The following RAB39A variants were observed in gnomAD, a reference collection of about 807,000 sequenced individuals.
RAB39A encodes ras-related protein Rab-39A.
In RAB39A, 17 loss-of-function variants were observed where a neutral mutation model predicts 20.9. The observed-to-expected ratio is 0.81, with a 90% CI of 0.56 to 1.22. The LOEUF (loss-of-function observed/expected upper bound fraction) is 1.22. Among genes scored for constraint, RAB39A ranks in the 50% most tolerant of loss-of-function variants. The probability of loss-of-function intolerance (pLI) is 0.00; values close to 1 mark genes in which losing one functional copy is unlikely to be tolerated. For missense variants in RAB39A, 234 were observed against 270.5 expected (o/e 0.87, Z 0.95); for synonymous variants, 99 against 103.4 (o/e 0.96, Z 0.26).
rs1190116935 is a variant in RAB39A at position 107,928,529 on chromosome 11, G to T, written c.-40G>T. On this transcript the variant is annotated 5_prime_UTR_variant, in exon 1 of 2. Transcript: ENST00000320578. This position sits in a 1 kb window ranked among gnomAD's most constrained non-coding sequence, Gnocchi z 4.9. Reference sequence around the variant, plus strand: ...CAGTTCCCGCCGCCGAACTTAGCCCGCGGGTGGGGCGGCCCGGGAGCCAGC... The same window carrying T: ...CAGTTCCCGCCGCCGAACTTAGCCCTCGGGTGGGGCGGCCCGGGAGCCAGC... The T allele has an allele frequency of 7.2e-7, 1 of 1,387,158 alleles. No homozygotes were observed. The highest frequency in any genetic ancestry group is 9.5e-7 in the Non-Finnish European group (1 of 1,048,234). 85.9% of individuals were successfully genotyped at this position (1,387,158 alleles called of 1,614,324 possible). A position where few individuals can be genotyped will look rare whatever the true frequency, so the allele number is the denominator to read the frequency against.
chr11:107,945,614 C>G (rs1213387097), intron 1 of RAB39A, among the ~76,000 whole-genome samples: 6 of 152,172 alleles, frequency 3.9e-5, no homozygotes, highest in African/African-American at 1.4e-4. Context: ...GAATCCCCCC[C>G]TCCAAGGACT....
chr11:107,946,418 GTGTGTGTGTGTGTGTGTGTA>G (rs1180134704), intron 1 of RAB39A, among the ~76,000 whole-genome samples: 16 of 14,308 alleles, frequency 1.1e-3, no homozygotes, highest in Non-Finnish European at 1.4e-3. Flanking sequence ...GTGTGTGTGT[GTGTGTGTGTGTGTGTGTGTA>G]TATATATATA....
intron 1 of RAB39A, among the ~76,000 whole-genome samples, chr11:107,958,517 C>G (rs566836222): frequency 6.6e-6 from 1 of 152,260 alleles, no homozygotes; most frequent in East Asian, 1.9e-4. Context: ...GCAACAGTGC[C>G]CAATTGTTTT....
chr11:107,936,903 C>T (rs987460830), intron 1 of RAB39A, among the ~76,000 whole-genome samples: 1 of 147,780 alleles, frequency 6.8e-6, no homozygotes, highest in Non-Finnish European at 1.5e-5. Context: ...CCCTGCTCTC[C>T]AGCCTGGGTG....
chr11:107,935,792 G>A (rs1483355052), intron 1 of RAB39A, among the ~76,000 whole-genome samples: 1 of 151,670 alleles, frequency 6.6e-6, no homozygotes, highest in Non-Finnish European at 1.5e-5. Context: ...ACACTCCCAA[G>A]TCTGGGTCTG....
At chr11:107,946,458 ATATTTTTTTTTTT>A (rs1861318798) in intron 1 of RAB39A, among the ~76,000 whole-genome samples, 32 of 26,726 alleles carry the variant, frequency 1.2e-3, no homozygotes, top group Admixed American at 1.5e-3. Flanking sequence ...ATATATATAT[ATATTTTTTTTTTT>A]TTTTTTTTTT....
At chr11:107,931,150 A>G (rs1359890489) in intron 1 of RAB39A, among the ~76,000 whole-genome samples, 2 of 151,772 alleles carry the variant, frequency 1.3e-5, no homozygotes, top group African/African-American at 2.4e-5. Flanking sequence ...CTAATTTTGT[A>G]TTTTTAGTAG....
intron 1 of RAB39A, among the ~76,000 whole-genome samples, chr11:107,951,347 GA>G (rs1430729427): frequency 6.6e-6 from 1 of 152,148 alleles, no homozygotes; most frequent in Non-Finnish European, 1.5e-5. Flanking sequence ...ATGTCATGCT[GA>G]AAAACAGGCA....
intron 1 of RAB39A, among the ~76,000 whole-genome samples, chr11:107,939,544 A>C (rs1050088437): frequency 8.6e-5 from 13 of 151,398 alleles, no homozygotes; most frequent in African/African-American, 3.2e-4. Context: ...CGGGAGGCAA[A>C]GCTTGCAGAG....
chr11:107,938,735 C>CAA (rs544043987), intron 1 of RAB39A, among the ~76,000 whole-genome samples: 12 of 103,816 alleles, frequency 1.2e-4, no homozygotes, highest in African/African-American at 1.4e-4. Context: ...GGCCCTATCT[C>CAA]AAAAAAAAAA....
In RAB39A at chr11:107,938,291, A is replaced by G. The variant is rs550526774; in HGVS notation, c.227+9496A>G. Among the ~76,000 whole-genome samples the G allele has an allele frequency of 1.3e-3, 178 of 140,174 alleles. 1 individual carries two copies. In the Middle Eastern group the frequency reaches 0.051, roughly 40 times the overall value. 92.0% of individuals were successfully genotyped at this position (140,174 alleles called of 152,430 possible). Reference sequence around the variant, plus strand: ...AGGAGAATTGCTTGAACCCAGGAAGAGGAGGTTGCAGTGAGCCGAGATCAC... The same window carrying G: ...AGGAGAATTGCTTGAACCCAGGAAGGGGAGGTTGCAGTGAGCCGAGATCAC... On this transcript the variant is annotated intron_variant, in intron 1 of 1. Transcript: ENST00000320578.
intron 1 of RAB39A, among the ~76,000 whole-genome samples, chr11:107,951,614 G>GA (rs1861380095): frequency 1.3e-5 from 1 of 75,748 alleles, no homozygotes; most frequent in Non-Finnish European, 2.6e-5. Context: ...GCCATTTTCA[G>GA]ATTTTTTTTT....
chr11:107,952,633 G>C (rs1176536055), intron 1 of RAB39A, among the ~76,000 whole-genome samples: 1 of 152,124 alleles, frequency 6.6e-6, no homozygotes, highest in Admixed American at 6.6e-5. Flanking sequence ...TGTAATCCCA[G>C]CACTTTGGGA....
chr11:107,939,298 A>G (rs1376630695), intron 1 of RAB39A, among the ~76,000 whole-genome samples: 1 of 150,014 alleles, frequency 6.7e-6, no homozygotes, highest in Non-Finnish European at 1.5e-5. Context: ...CAAGACACAC[A>G]AAATTATTAA....
chr11:107,936,472 C>T (rs979517166), intron 1 of RAB39A, among the ~76,000 whole-genome samples: 8 of 152,108 alleles, frequency 5.3e-5, no homozygotes, highest in African/African-American at 1.4e-4. Context: ...TCTGCCTCTT[C>T]CAAACATCCA....
chr11:107,932,745 T>G (rs1174267690), intron 1 of RAB39A, among the ~76,000 whole-genome samples: 1 of 152,184 alleles, frequency 6.6e-6, no homozygotes, highest in Non-Finnish European at 1.5e-5. Context: ...ACAATCTCGC[T>G]CTCTCATCCA....
Position 107,929,259 on chromosome 11 carries a change from A to T in RAB39A, c.227+464A>T, listed in dbSNP as rs1861114060. 3.3e-5 allele frequency among the ~76,000 whole-genome samples: 5 copies of T among 152,092 alleles called. 1 individual carries two copies. The South Asian group carries it at 1.0e-3, about 32-fold the overall frequency. On this transcript the variant is annotated intron_variant, in intron 1 of 1. Transcript: ENST00000320578. The stretch of plus-strand genomic sequence containing the variant: ...GTGTGGCCGGGGAGAACCGCGAGGG[A>T]GGGTTCCCAGATTCGTGATGGATCC...
At chr11:107,941,453 A>G (rs1193658791) in intron 1 of RAB39A, among the ~76,000 whole-genome samples, 1 of 152,106 alleles carries the variant, frequency 6.6e-6, no homozygotes, top group Non-Finnish European at 1.5e-5. Flanking sequence ...CTTCTGGATG[A>G]TTTCCTCAAC....
chr11:107,947,981 TACAC>T (rs58579239), intron 1 of RAB39A, among the ~76,000 whole-genome samples: 26,192 of 148,644 alleles, frequency 0.18, 2,425 homozygotes, highest in Middle Eastern at 0.28. Flanking sequence ...TACACACACG[TACAC>T]ACACACACAC....
Sources: allele counts gnomAD v4.1 joint callset (sites outside exome capture counted in the v4.1 genomes callset), GRCh38; gene constraint gnomAD v4.1.1; non-coding constraint Gnocchi (gnomAD v3.1); transcripts MANE v1.5; gene names NCBI Gene and HGNC (gene_info 2026-07-23, HGNC 2026-07-21).